Variants in ZC3HAV1 observed in about 807,000 individuals in gnomAD.
ZC3HAV1 encodes zinc finger CCCH-type antiviral protein 1.
ZC3HAV1 carries 41 observed loss-of-function variants against 86.6 expected under a neutral mutation model. The observed-to-expected ratio is 0.47, with a 90% confidence interval of 0.37 to 0.61. The LOEUF (loss-of-function observed/expected upper bound fraction) is 0.61. ZC3HAV1 is among the 20% of genes least tolerant of loss of function. ZC3HAV1 has a pLI of 0.00. For missense variants in ZC3HAV1, 964 were observed against 1,141.1 expected, an observed-to-expected ratio of 0.84 and a Z score of 2.24; for synonymous variants, 421 against 432.1, an observed-to-expected ratio of 0.97 and a Z score of 0.32.
rs73732363 is a variant in ZC3HAV1, at chr7:139,074,203, G to A, written c.1698-173C>T. On this transcript the variant is annotated intron_variant, in intron 6 of 12. Transcript: ENST00000242351. ...TAAAAGAAAAACGGAAACGCAGAGA[G>A]GAAAGTGACTCGCCTGCACCACATA... Among the ~76,000 whole-genome samples the A allele has an allele frequency of 1.8e-3, 279 of 152,240 alleles. 2 individuals carry two copies. Among genetic ancestry groups the A allele is most frequent in the African/African-American group, 6.1e-3 (253 of 41,536 alleles).
chr7:139,055,086 A>G, intron 10 of ZC3HAV1, 119 bp downstream of exon 10: 1 of 893,878 alleles, frequency 1.1e-6, no homozygotes, highest in South Asian at 1.7e-5. Context: ...CACTGCACCC[A>G]GCCGATCTAA....
At chr7:139,078,777 T>C in intron 4 of ZC3HAV1, 124 bp from the exon 5 acceptor site, 1 of 815,624 alleles carries the variant, frequency 1.2e-6, no homozygotes, top group Non-Finnish European at 1.8e-6. Flanking sequence ...ATTCCTATGA[T>C]TTATGTTTTG....
chr7:139,101,491 CACCA>C (rs1817767350), intron 1 of ZC3HAV1, among the ~76,000 whole-genome samples: 1 of 103,836 alleles, frequency 9.6e-6, no homozygotes, highest in Non-Finnish European at 1.9e-5. Flanking sequence ...TCAGCCCGGC[CACCA>C]CCCCGTCTGG....
chr7:139,102,425 C>T (rs978907146), intron 1 of ZC3HAV1, among the ~76,000 whole-genome samples: 4 of 152,142 alleles, frequency 2.6e-5, no homozygotes, highest in African/African-American at 7.2e-5. Flanking sequence ...CTACTGAGGC[C>T]AGTCTCAATT....
intron 3 of ZC3HAV1, 140 bp from the exon 4 acceptor site, chr7:139,080,383 T>G: frequency 9.3e-7 from 1 of 1,080,666 alleles, no homozygotes; most frequent in Non-Finnish European, 1.3e-6. Context: ...TAATCTGATG[T>G]GTAAAAATCT....
intron 9 of ZC3HAV1, among the ~76,000 whole-genome samples, chr7:139,059,733 A>C (rs922212573): frequency 6.6e-6 from 1 of 152,256 alleles, no homozygotes; most frequent in Non-Finnish European, 1.5e-5. Context: ...GGCAGAAGAT[A>C]AGGCTGAAGA....
intron 1 of ZC3HAV1, among the ~76,000 whole-genome samples, chr7:139,096,315 C>T (rs1020758590): frequency 2.0e-5 from 3 of 152,142 alleles, no homozygotes; most frequent in African/African-American, 4.8e-5. Context: ...TACCCGACCA[C>T]CAAAATCTTG....
intron 7 of ZC3HAV1, among the ~76,000 whole-genome samples, chr7:139,072,147 AC>A (rs1720065708): frequency 6.6e-6 from 1 of 151,952 alleles, no homozygotes; most frequent in Non-Finnish European, 1.5e-5. Flanking sequence ...TTTTACACCA[AC>A]CTAAATATGT....
chr7:139,071,759 C>G (rs975359194), intron 7 of ZC3HAV1, among the ~76,000 whole-genome samples: 1 of 152,194 alleles, frequency 6.6e-6, no homozygotes, highest in Non-Finnish European at 1.5e-5. Context: ...CAGCTCTGAG[C>G]CCATATCCTA....
At chr7:139,064,093 G>GT (rs1407956775) in intron 8 of ZC3HAV1, among the ~76,000 whole-genome samples, 2 of 152,250 alleles carry the variant, frequency 1.3e-5, no homozygotes, top group Non-Finnish European at 2.9e-5. Flanking sequence ...CTGCCAGACT[G>GT]TTTTTCCAAA....
chr7:139,097,418 A>ATTTTTTTTTTTTTTTT (rs1563140611), intron 1 of ZC3HAV1, among the ~76,000 whole-genome samples: 1 of 78,512 alleles, frequency 1.3e-5, no homozygotes, highest in East Asian at 4.4e-4. Context: ...ATATATATAT[A>ATTTTTTTTTTTTTTTT]TATATATATA....
chr7:139,050,492 C>G (rs557781421), intron 12 of ZC3HAV1, among the ~76,000 whole-genome samples: 1 of 152,048 alleles, frequency 6.6e-6, no homozygotes. Context: ...CTCAGCCTCT[C>G]GAGTAGCTAG....
chr7:139,047,122 T>A lies in ZC3HAV1; in HGVS notation c.*472A>T. On this transcript the variant is annotated 3_prime_UTR_variant, in exon 13 of 13. Coordinates refer to ENST00000242351, the MANE Select transcript of ZC3HAV1 (RefSeq NM_020119.4). ...CGGGCAGATTGCCTGAGCTCAGGAG[T>A]TTGAGACCAGCCTGGGCAACACAGT... The A allele has an allele frequency of 6.0e-6, 1 of 167,186 alleles. No individual in the cohort carries two copies. Among genetic ancestry groups the A allele is most frequent in the Non-Finnish European group, 1.3e-5 (1 of 78,784 alleles). The allele number at this position is 167,186 out of a possible 1,614,324, so 10.4% of individuals were successfully genotyped here. A position where few individuals can be genotyped will look rare whatever the true frequency, so the allele number is the denominator to read the frequency against.
intron 7 of ZC3HAV1, among the ~76,000 whole-genome samples, chr7:139,071,474 T>A (rs1816771877): frequency 6.6e-6 from 1 of 152,184 alleles, no homozygotes; most frequent in Non-Finnish European, 1.5e-5. Context: ...TTACTAAAAA[T>A]TCCAATTATT....
At position 139,106,939 on chromosome 7, in the gene ZC3HAV1, A is replaced by G. The variant is rs546120628; in HGVS notation, c.308+2085T>C. On this transcript the variant is annotated intron_variant, in intron 1 of 12. Transcript: ENST00000242351. ...CCATATTTTCAAAACTGTTGAAATG[A>G]TGGGTACAAGGGGCTTCATCATTTT... Among the ~76,000 whole-genome samples the G allele has an allele frequency of 6.2e-3, 919 of 148,250 alleles. 2 individuals are homozygous for G. Among genetic ancestry groups the G allele is most frequent in the Admixed American group, 0.012 (172 of 14,748 alleles).
chr7:139,047,828 G>A lies in ZC3HAV1; in HGVS notation c.2475C>T (p.Ile825=). The change falls in exon 13 of 13, where the codon ATC becomes ATT. Residue 825 remains isoleucine, a synonymous_variant. Coordinates refer to ENST00000242351, the MANE Select transcript of ZC3HAV1 (RefSeq NM_020119.4). ...CATACGGGCAATTTTTGTGGGAATAGATGGCATCTTTTGCAAAGTAAATTC... is the reference window on the plus strand; with the variant it reads ...CATACGGGCAATTTTTGTGGGAATAAATGGCATCTTTTGCAAAGTAAATTC... ...GKGIYFAKDA[I]YSHKNCPYDA... The A allele has an allele frequency of 6.2e-7, 1 of 1,611,722 alleles. No homozygotes were observed. The highest frequency in any genetic ancestry group is 2.2e-5 in the East Asian group (1 of 44,882).
At chr7:139,085,732 G>C (rs747969593) in intron 2 of ZC3HAV1, among the ~76,000 whole-genome samples, 2 of 152,150 alleles carry the variant, frequency 1.3e-5, no homozygotes, top group African/African-American at 4.8e-5. Context: ...AGTGGTTCAG[G>C]CTGGGCATGG....
At chr7:139,068,065 TATTA>T (rs1198285399) in intron 7 of ZC3HAV1, among the ~76,000 whole-genome samples, 1 of 144,072 alleles carries the variant, frequency 6.9e-6, no homozygotes, top group Non-Finnish European at 1.5e-5. Context: ...TTATTATTAT[TATTA>T]TTTTGAGACT....
rs1563133816 is a variant in ZC3HAV1, at chr7:139,079,856, A to G, written c.1085T>C (p.Leu362Pro). Residue 362 changes from leucine to proline, a missense_variant, in exon 4 of 13, where the codon CTC (leucine) becomes CCC (proline). Transcript: ENST00000242351. ...NSTSAPNWKS[L>P]TSWTNDQGAR... Reference sequence around the variant, plus strand: ...GCCTTGGTCATTCGTCCAGGATGTGAGGCTCTTCCAGTTGGGGGCTGATGT... The same window carrying G: ...GCCTTGGTCATTCGTCCAGGATGTGGGGCTCTTCCAGTTGGGGGCTGATGT... 1 of 1,614,128 alleles carries G rather than the reference A, an allele frequency of 6.2e-7. No homozygotes were observed. The highest frequency in any genetic ancestry group is 2.2e-5 in the East Asian group (1 of 44,866).
Sources: gnomAD v4.1 joint callset for allele counts (sites outside exome capture counted in the v4.1 genomes callset) on GRCh38, gnomAD v4.1.1 for gene constraint, MANE v1.5 for transcripts, NCBI Gene and HGNC (gene_info 2026-07-23, HGNC 2026-07-21) for gene names.